The following PDE10A variants were observed in gnomAD, a reference collection of about 807,000 sequenced individuals.
PDE10A encodes phosphodiesterase 10A.
In PDE10A, 39 loss-of-function variants were observed where a neutral mutation model predicts 97.7. The ratio of observed to expected loss-of-function variants is 0.40; its 90% CI spans 0.31 to 0.52. The LOEUF (loss-of-function observed/expected upper bound fraction) is 0.52. Ranked by LOEUF, PDE10A falls within the 20% of genes least tolerant of loss-of-function variation. The pLI, the probability that PDE10A is intolerant of heterozygous loss-of-function variation, is 0.56. For missense variants in PDE10A, 731 were observed against 1,047.8 expected, an observed-to-expected ratio of 0.70 and a Z score of 4.17; for synonymous variants, 371 against 376.8, an observed-to-expected ratio of 0.98 and a Z score of 0.18.
At chr6:165,978,953 G>A (rs574031260) in intron 1 of PDE10A, among the ~76,000 whole-genome samples, 1 of 152,076 alleles carries the variant, frequency 6.6e-6, no homozygotes, top group South Asian at 2.1e-4. Context: ...AGGAGGAGGA[G>A]GTGGAGGAGG....
At position 165,732,336 on chromosome 6, in the gene PDE10A, A is replaced by G. The variant is rs112449082; in HGVS notation, c.-614-188768T>C. 2.2e-3 allele frequency among the ~76,000 whole-genome samples: 332 copies of G among 152,292 alleles called. 3 individuals are homozygous for G. The highest frequency in any genetic ancestry group is 7.7e-3 in the African/African-American group (318 of 41,560). ...GGTGTAGGGAGAAGTCAGGGCTGGA[A>G]GCTGACCTGCCCTAGAGGTGGGGCA... is the stretch of plus-strand genomic sequence containing the variant. On this transcript the variant is annotated intron_variant, in intron 1 of 19. Transcript: ENST00000366882.
Position 165,819,908 on chromosome 6 carries a change from G to A in PDE10A, c.-615+167621C>T, listed in dbSNP as rs1475459886. On this transcript the variant is annotated intron_variant, in intron 1 of 19. Coordinates refer to the PDE10A transcript ENST00000366882. The surrounding 1 kb of genome is among the most constrained non-coding windows in gnomAD (Gnocchi z 4.2). ...CTCTGTTTGTATGTAATAATCAGTGGTTAATATGGAATTCAGTAACACAAG... is the reference window on the plus strand; with the variant it reads ...CTCTGTTTGTATGTAATAATCAGTGATTAATATGGAATTCAGTAACACAAG... 1.3e-5 allele frequency among the ~76,000 whole-genome samples: 2 copies of A among 152,126 alleles called. No individual in the cohort carries two copies. Among genetic ancestry groups the A allele is most frequent in the Non-Finnish European group, 2.9e-5 (2 of 68,038 alleles).
chr6:165,805,178 G>A (rs916505658), intron 1 of PDE10A, among the ~76,000 whole-genome samples: 1 of 152,078 alleles, frequency 6.6e-6, no homozygotes, highest in African/African-American at 2.4e-5. Flanking sequence ...GGGACGCGCG[G>A]TTCTTCCTCG....
At chr6:165,974,376 G>T (rs1320216862) in intron 1 of PDE10A, among the ~76,000 whole-genome samples, 1 of 152,156 alleles carries the variant, frequency 6.6e-6, no homozygotes, top group Non-Finnish European at 1.5e-5. Context: ...TGCACCAGGG[G>T]GTATAGTAAG....
chr6:165,643,234 G>T (rs935725097), intron 1 of PDE10A, among the ~76,000 whole-genome samples: 2 of 150,036 alleles, frequency 1.3e-5, no homozygotes, highest in Non-Finnish European at 3.0e-5. Context: ...TGAGTGAGTG[G>T]GTGGGTGGGT....
chr6:165,484,401 C>T (rs1452375906), intron 2 of PDE10A, among the ~76,000 whole-genome samples: 4 of 152,228 alleles, frequency 2.6e-5, no homozygotes, highest in Admixed American at 6.5e-5. Flanking sequence ...TCTGTCACTG[C>T]GTTACTGCCT....
At chr6:165,516,913 A>G (rs775015027) in intron 2 of PDE10A, among the ~76,000 whole-genome samples, 28 of 152,168 alleles carry the variant, frequency 1.8e-4, no homozygotes, top group Non-Finnish European at 2.9e-4. Context: ...TAAGCAATAT[A>G]TAATTACTCT....
At chr6:165,957,934 C>T (rs1784186285) in intron 1 of PDE10A, among the ~76,000 whole-genome samples, 1 of 152,220 alleles carries the variant, frequency 6.6e-6, no homozygotes, top group Non-Finnish European at 1.5e-5. Context: ...TTCAATTCCA[C>T]ACCTCTCAGG....
rs190702219 is a variant in PDE10A, at chr6:165,463,460, G to A, written c.1024-13098C>T. Among the ~76,000 whole-genome samples, 368 of 152,364 alleles carry A rather than the reference G, an allele frequency of 2.4e-3. 2 individuals are homozygous for A. The highest frequency in any genetic ancestry group is 8.3e-3 in the African/African-American group (347 of 41,592). On this transcript the variant is annotated intron_variant, in intron 3 of 21. Transcript: ENST00000539869. The stretch of plus-strand genomic sequence containing the variant: ...GCAAGGAACTGGAGTGCTTAAAGGA[G>A]CTGCAGACAAATTAGCAGCTAGTAA...
At chr6:165,738,935 C>A (rs1046696949) in intron 1 of PDE10A, among the ~76,000 whole-genome samples, 1 of 152,044 alleles carries the variant, frequency 6.6e-6, no homozygotes, top group African/African-American at 2.4e-5. Context: ...TATTTAACCA[C>A]GGAGGTGAAA....
chr6:165,382,888 G>C (rs1785025007), intron 17 of PDE10A, among the ~76,000 whole-genome samples: 1 of 152,128 alleles, frequency 6.6e-6, no homozygotes, highest in Non-Finnish European at 1.5e-5. Flanking sequence ...TGTAGAAAAG[G>C]ACGGATTTAA....
At chr6:165,616,225 A>C (rs1340356460) in intron 1 of PDE10A, among the ~76,000 whole-genome samples, 1 of 152,060 alleles carries the variant, frequency 6.6e-6, no homozygotes, top group Non-Finnish European at 1.5e-5. Flanking sequence ...CTCCTTTCGT[A>C]CCCAGAATCC....
At chr6:165,379,017 G>A (rs185284802) in intron 18 of PDE10A, among the ~76,000 whole-genome samples, 177 bp downstream of exon 18, 63 of 152,220 alleles carry the variant, frequency 4.1e-4, no homozygotes, top group African/African-American at 1.5e-3. Context: ...CAGCAATCTT[G>A]TCAAACAACA....
At chr6:165,798,809 G>C (rs2128465067) in intron 1 of PDE10A, among the ~76,000 whole-genome samples, 1 of 152,256 alleles carries the variant, frequency 6.6e-6, no homozygotes, top group South Asian at 2.1e-4. Flanking sequence ...CCAGGTTCAG[G>C]CGATTCTCGT....
chr6:165,804,655 C>T (rs1038646554), intron 1 of PDE10A, among the ~76,000 whole-genome samples: 1 of 151,904 alleles, frequency 6.6e-6, no homozygotes, highest in African/African-American at 2.4e-5. Flanking sequence ...GGCCTGCAGG[C>T]GGGGCTGGTG....
chr6:165,825,525 G>T (rs901295552), intron 1 of PDE10A, among the ~76,000 whole-genome samples: 2 of 152,150 alleles, frequency 1.3e-5, no homozygotes, highest in African/African-American at 4.8e-5. Flanking sequence ...GTGTCCTCCA[G>T]CTTGTCCCTT....
intron 2 of PDE10A, among the ~76,000 whole-genome samples, chr6:165,521,465 C>A (rs1172253559): frequency 5.9e-5 from 9 of 152,164 alleles, no homozygotes. Flanking sequence ...AGGCCTCTTG[C>A]ACTAGTTAGC....
At chr6:165,553,384 C>T (rs555193943) in intron 1 of PDE10A, among the ~76,000 whole-genome samples, 4 of 151,968 alleles carry the variant, frequency 2.6e-5, no homozygotes, top group African/African-American at 9.7e-5. Context: ...TTGGTTAACT[C>T]GATTGACTAG....
intron 1 of PDE10A, among the ~76,000 whole-genome samples, chr6:165,617,463 C>G (rs973360696): frequency 6.6e-6 from 1 of 152,162 alleles, no homozygotes; most frequent in African/African-American, 2.4e-5. Flanking sequence ...CCCGCTTCAG[C>G]CTCTCAAGTA....
Sources: allele counts gnomAD v4.1 joint callset (sites outside exome capture counted in the v4.1 genomes callset), GRCh38; gene constraint gnomAD v4.1.1; non-coding constraint Gnocchi (gnomAD v3.1); transcripts MANE v1.5; gene names NCBI Gene and HGNC (gene_info 2026-07-23, HGNC 2026-07-21).